Variants in RFTN1 observed in about 807,000 individuals in gnomAD.
RFTN1 encodes raftlin.
A neutral mutation model predicts 46.5 loss-of-function variants in RFTN1; 26 were observed. That is an observed-to-expected ratio of 0.56 (90% CI 0.41 to 0.78). The LOEUF is 0.78. Ranked by LOEUF, RFTN1 falls within the 30% of genes least tolerant of loss-of-function variation. RFTN1 has a pLI of 0.00. For missense variants in RFTN1, 693 were observed against 718.7 expected (o/e 0.96, Z 0.41); for synonymous variants, 261 against 284.2 (o/e 0.92, Z 0.82).
chr3:16,343,479 CCCA>C (rs958895584), intron 7 of RFTN1, among the ~76,000 whole-genome samples: 3 of 152,196 alleles, frequency 2.0e-5, no homozygotes, highest in African/African-American at 7.2e-5. Flanking sequence ...CCAATTGTTT[CCCA>C]CCATTTCCAG....
chr3:16,443,226 C>A lies in RFTN1; in HGVS notation c.146-9189G>T, dbSNP rs2075665472. 6.6e-6 allele frequency among the ~76,000 whole-genome samples: 1 copy of A among 152,224 alleles called. No homozygotes were observed. The highest frequency in any genetic ancestry group is 1.5e-5 in the Non-Finnish European group (1 of 68,040). On this transcript the variant is annotated intron_variant, in intron 2 of 9. Coordinates refer to ENST00000334133, the MANE Select transcript of RFTN1 (RefSeq NM_015150.2). The surrounding 1 kb of genome is among the most constrained non-coding windows in gnomAD (Gnocchi z 5.5). ...GGTTCTCTTATACTTCACATCCTCA[C>A]CAACACTTCTTATCTCTTGTATTTT...
At chr3:16,488,272 T>C (rs2076483552) in intron 2 of RFTN1, among the ~76,000 whole-genome samples, 1 of 152,206 alleles carries the variant, frequency 6.6e-6, no homozygotes, top group African/African-American at 2.4e-5. Flanking sequence ...GCTAACTTTG[T>C]ATTTTTAGTA....
chr3:16,327,498 G>A lies in RFTN1; in HGVS notation c.1147-622C>T, dbSNP rs1157813014. ...GCCCCGGCCGGGTGCTGTGGCTCAC[G>A]TCTGTAATCCCAGCACTTTGGGAGG... On this transcript the variant is annotated intron_variant, in intron 7 of 9. Transcript: ENST00000334133. The surrounding 1 kb of genome is among the most constrained non-coding windows in gnomAD (Gnocchi z 4.2). 5.3e-5 allele frequency among the ~76,000 whole-genome samples: 8 copies of A among 152,090 alleles called. No individual in the cohort carries two copies. Among genetic ancestry groups the A allele is most frequent in the Admixed American group, 5.2e-4 (8 of 15,284 alleles).
At chr3:16,397,569 C>T (rs908740395) in intron 4 of RFTN1, among the ~76,000 whole-genome samples, 9 of 152,158 alleles carry the variant, frequency 5.9e-5, no homozygotes, top group African/African-American at 2.2e-4. Flanking sequence ...GTGTATCAAA[C>T]AGCATGCTGT....
intron 4 of RFTN1, among the ~76,000 whole-genome samples, chr3:16,404,145 C>T (rs1193013531): frequency 3.3e-4 from 9 of 26,872 alleles, no homozygotes; most frequent in Non-Finnish European, 4.4e-4. Flanking sequence ...ATATAATATA[C>T]ATTTTATATA....
chr3:16,494,627 G>C (rs977782609), intron 1 of RFTN1, among the ~76,000 whole-genome samples: 1 of 152,168 alleles, frequency 6.6e-6, no homozygotes, highest in Non-Finnish European at 1.5e-5. Context: ...AGAAAATAAA[G>C]AAATGTTAAA....
rs190070338 is a variant in RFTN1, at chr3:16,481,327, T to C, written c.145+12398A>G. 9.8e-5 allele frequency among the ~76,000 whole-genome samples: 15 copies of C among 152,312 alleles called. No individual in the cohort carries two copies. Among genetic ancestry groups the C allele is most frequent in the Middle Eastern group, 6.8e-3 (2 of 294 alleles). Reference sequence around the variant, plus strand: ...TCACACATATTATCTCATTTATCTTTTGAAAATCTCTTCAAACTGTAAGAG... The same window carrying C: ...TCACACATATTATCTCATTTATCTTCTGAAAATCTCTTCAAACTGTAAGAG... On this transcript the variant is annotated intron_variant, in intron 2 of 9. Coordinates refer to ENST00000334133, the MANE Select transcript of RFTN1 (RefSeq NM_015150.2). The surrounding 1 kb of genome is among the most constrained non-coding windows in gnomAD (Gnocchi z 5.1).
chr3:16,468,547 T>C lies in RFTN1; in HGVS notation c.145+25178A>G, dbSNP rs992723687. Among the ~76,000 whole-genome samples, 5 of 151,814 alleles carry C rather than the reference T, an allele frequency of 3.3e-5. No individual in the cohort carries two copies. Among genetic ancestry groups the C allele is most frequent in the African/African-American group, 1.2e-4 (5 of 41,262 alleles). ...TCTTTGCTATCTTTAGATTAGATGC[T>C]TAATGCATAAATCAGCCCAAATAGA... On this transcript the variant is annotated intron_variant, in intron 2 of 9. Transcript: ENST00000334133. The surrounding 1 kb of genome is among the most constrained non-coding windows in gnomAD (Gnocchi z 4.4).
chr3:16,414,925 A>T (rs1444974959), intron 3 of RFTN1, among the ~76,000 whole-genome samples: 2 of 152,210 alleles, frequency 1.3e-5, no homozygotes, highest in East Asian at 3.9e-4. Flanking sequence ...GATGGATAGT[A>T]TAGACATTCA....
In RFTN1 at chr3:16,465,365, AAT is replaced by A. The variant is rs2076071332; in HGVS notation, c.145+28358_145+28359del. The stretch of plus-strand genomic sequence containing the variant: ...GATTGCTGAACGCTTTCATCAAGGC[AAT>A]TCTCTGAGCACAGGAAAAAAATATC... On this transcript the variant is annotated intron_variant, in intron 2 of 9. Coordinates refer to ENST00000334133, the MANE Select transcript of RFTN1 (RefSeq NM_015150.2). This position sits in a 1 kb window ranked among gnomAD's most constrained non-coding sequence, Gnocchi z 5.1. 6.6e-6 allele frequency among the ~76,000 whole-genome samples: 1 copy of A among 151,588 alleles called. No individual in the cohort carries two copies. Among genetic ancestry groups the A allele is most frequent in the Non-Finnish European group, 1.5e-5 (1 of 67,936 alleles).
intron 2 of RFTN1, among the ~76,000 whole-genome samples, chr3:16,469,567 C>T (rs113031786): frequency 0.016 from 2,377 of 152,202 alleles, 17 homozygotes; most frequent in Non-Finnish European, 0.024. Context: ...GAACTGGAGA[C>T]GCAAAGTGGG....
Position 16,428,250 on chromosome 3 carries a change from T to A in RFTN1, c.332+5601A>T, listed in dbSNP as rs147712303. ...GAGTTCCTGTTCCCTCAATGCCAATTCCCACAAATGCTTCCCTAGGTGCAA... is the reference window on the plus strand; with the variant it reads ...GAGTTCCTGTTCCCTCAATGCCAATACCCACAAATGCTTCCCTAGGTGCAA... On this transcript the variant is annotated intron_variant, in intron 3 of 9. Coordinates refer to ENST00000334133, the MANE Select transcript of RFTN1 (RefSeq NM_015150.2). The surrounding 1 kb of genome is among the most constrained non-coding windows in gnomAD (Gnocchi z 4.7). Among the ~76,000 whole-genome samples the A allele has an allele frequency of 4.7e-3, 712 of 152,234 alleles. 18 individuals carry two copies. Among genetic ancestry groups the A allele is most frequent in the Admixed American group, 0.043 (656 of 15,292 alleles).
chr3:16,496,894 G>A (rs116298384), intron 1 of RFTN1, among the ~76,000 whole-genome samples: 5 of 152,084 alleles, frequency 3.3e-5, no homozygotes, highest in Admixed American at 2.6e-4. Flanking sequence ...ATAAAGCAAC[G>A]AAAACATGGA....
rs1275928799 is a variant in RFTN1, at chr3:16,322,230, C to T, written c.1332+1146G>A. Among the ~76,000 whole-genome samples, 1 of 152,212 alleles carries T rather than the reference C, an allele frequency of 6.6e-6. No homozygotes were observed. The highest frequency in any genetic ancestry group is 1.5e-5 in the Non-Finnish European group (1 of 68,044). ...TCTGGTCCATTGTGCCGTCACCTGT[C>T]ACATTACACCTTCAGAGCCTGGAGA... On this transcript the variant is annotated intron_variant, in intron 9 of 9. Transcript: ENST00000334133. This position sits in a 1 kb window ranked among gnomAD's most constrained non-coding sequence, Gnocchi z 6.2.
rs2075965381 is a variant in RFTN1, at chr3:16,459,214, A to G, written c.146-25177T>C. Among the ~76,000 whole-genome samples, 1 of 152,198 alleles carries G rather than the reference A, an allele frequency of 6.6e-6. No homozygotes were observed. The highest frequency in any genetic ancestry group is 1.5e-5 in the Non-Finnish European group (1 of 68,036). On this transcript the variant is annotated intron_variant, in intron 2 of 9. Coordinates refer to ENST00000334133, the MANE Select transcript of RFTN1 (RefSeq NM_015150.2). This position sits in a 1 kb window ranked among gnomAD's most constrained non-coding sequence, Gnocchi z 4.2. ...CCAAAGTGCTGGAATTACAGGTATG[A>G]GCCACTGTGCCTGGCCACTACTGTG...
Position 16,376,502 on chromosome 3 carries a change from C to T in RFTN1, c.826+1216G>A, listed in dbSNP as rs1378943583. Among the ~76,000 whole-genome samples the T allele has an allele frequency of 2.0e-5, 3 of 152,150 alleles. No individual in the cohort carries two copies. The highest frequency in any genetic ancestry group is 4.4e-5 in the Non-Finnish European group (3 of 68,024). ...AGAGCACACACATCCAGCCCAGCCT[C>T]CATGAGAAGATGGAGGTTTCTGGAC... On this transcript the variant is annotated intron_variant, in intron 5 of 9. Transcript: ENST00000334133. The surrounding 1 kb of genome is among the most constrained non-coding windows in gnomAD (Gnocchi z 4.7).
intron 3 of RFTN1, among the ~76,000 whole-genome samples, chr3:16,411,289 C>A (rs937461120): frequency 2.6e-5 from 4 of 152,140 alleles, no homozygotes; most frequent in African/African-American, 9.7e-5. Flanking sequence ...TTCTAAGATT[C>A]TTATATAGCA....
rs1396673480 is a variant in RFTN1, at chr3:16,407,287, A to C, written c.441+2088T>G. Among the ~76,000 whole-genome samples, 1 of 152,112 alleles carries C rather than the reference A, an allele frequency of 6.6e-6. No individual in the cohort carries two copies. The highest frequency in any genetic ancestry group is 1.5e-5 in the Non-Finnish European group (1 of 68,036). On this transcript the variant is annotated intron_variant, in intron 4 of 9. Transcript: ENST00000334133. This position sits in a 1 kb window ranked among gnomAD's most constrained non-coding sequence, Gnocchi z 4.0. ...GGTCTCAAACTCCTGGGCTCAAGCA[A>C]TTCTCTCGCCTCAGCCTCTAGAGTA... is the stretch of plus-strand genomic sequence containing the variant.
Position 16,374,156 on chromosome 3 carries a change from GA to G in RFTN1, c.826+3561del, listed in dbSNP as rs1250911504. Among the ~76,000 whole-genome samples the G allele has an allele frequency of 1.3e-5, 2 of 152,204 alleles. No homozygotes were observed. The highest frequency in any genetic ancestry group is 4.8e-5 in the African/African-American group (2 of 41,438). ...CATGTGACTCTCCCAAACTTGATGA[GA>G]GGGGGTGGCCCTGGTTCTGTGCCCA... On this transcript the variant is annotated intron_variant, in intron 5 of 9. Coordinates refer to ENST00000334133, the MANE Select transcript of RFTN1 (RefSeq NM_015150.2). The surrounding 1 kb of genome is among the most constrained non-coding windows in gnomAD (Gnocchi z 5.4).
Sources: gnomAD v4.1 joint callset for allele counts (sites outside exome capture counted in the v4.1 genomes callset) on GRCh38, gnomAD v4.1.1 for gene constraint, Gnocchi (gnomAD v3.1) non-coding constraint, MANE v1.5 for transcripts, NCBI Gene and HGNC (gene_info 2026-07-23, HGNC 2026-07-21) for gene names.